The following EYA4 variants were observed in gnomAD, a reference collection of about 807,000 sequenced individuals.
EYA4 encodes the protein protein phosphatase EYA4.
EYA4 carries 31 observed loss-of-function variants against 87.9 expected under a neutral mutation model. The ratio of observed to expected loss-of-function variants is 0.35; its 90% CI spans 0.27 to 0.48. EYA4 has a LOEUF of 0.48. Ranked by LOEUF, EYA4 falls within the 20% of genes least tolerant of loss-of-function variation. The pLI, the probability that EYA4 is intolerant of heterozygous loss-of-function variation, is 0.99. For synonymous variants in EYA4, 263 were observed against 270.6 expected (o/e 0.97, Z 0.28); for missense variants, 678 against 761.4 (o/e 0.89, Z 1.29).
chr6:133,263,262 T>C (rs777830864), intron 1 of EYA4, among the ~76,000 whole-genome samples: 38 of 152,180 alleles, frequency 2.5e-4, no homozygotes, highest in Non-Finnish European at 4.3e-4. Context: ...TTGAAGGCCG[T>C]GAAGATAGCT....
chr6:133,263,996 G>A (rs1776002860), intron 1 of EYA4, among the ~76,000 whole-genome samples: 1 of 152,188 alleles, frequency 6.6e-6, no homozygotes, highest in Admixed American at 6.5e-5. Context: ...AAAGCAGTAG[G>A]GAATGTACTC....
At chr6:133,420,899 C>A (rs547309109) in intron 3 of EYA4, among the ~76,000 whole-genome samples, 1 of 152,316 alleles carries the variant, frequency 6.6e-6, no homozygotes, top group African/African-American at 2.4e-5. Flanking sequence ...TGCAGTAGTT[C>A]AAGGACCTGC....
chr6:133,388,782 T>C, intron 3 of EYA4, among the ~76,000 whole-genome samples: 1 of 152,260 alleles, frequency 6.6e-6, no homozygotes, highest in East Asian at 1.9e-4. Flanking sequence ...TCTTCATTCA[T>C]ACCGTGTTTA....
intron 17 of EYA4, among the ~76,000 whole-genome samples, chr6:133,518,505 T>A (rs563074691): frequency 6.6e-6 from 1 of 152,152 alleles, no homozygotes; most frequent in Non-Finnish European, 1.5e-5. Flanking sequence ...GCCTGGAATG[T>A]CAGAAAAACA....
At chr6:133,382,590 A>G in intron 3 of EYA4, 149 bp downstream of exon 3, 1 of 752,844 alleles carries the variant, frequency 1.3e-6, no homozygotes, top group Non-Finnish European at 2.5e-6. Context: ...CATGCTGGCT[A>G]GCGTACCACT....
Position 133,462,720 on chromosome 6 carries a change from C to T in EYA4, c.680C>T (p.Ser227Phe), listed in dbSNP as rs138215807. ...TGCCTCAGTTACAGCCCAGGGTTCT[C>T]TACCCCACAGCCAGGCCAGACACCT... The part of the protein sequence containing the change: ...SGCLSYSPGF[S>F]TPQPGQTPYS... The change falls in exon 9 of 20, where the codon TCT becomes TTT. Residue 227 changes from serine (S) to phenylalanine (F), a missense_variant. By Grantham distance (155) the Ser-to-Phe change is radical. Transcript: ENST00000355286. The T allele has an allele frequency of 6.2e-7, 1 of 1,613,790 alleles. No homozygotes were observed. Among genetic ancestry groups the T allele is most frequent in the Non-Finnish European group, 8.5e-7 (1 of 1,179,914 alleles).
At chr6:133,366,346 G>A (rs1467252046) in intron 2 of EYA4, among the ~76,000 whole-genome samples, 1 of 152,156 alleles carries the variant, frequency 6.6e-6, no homozygotes, top group Non-Finnish European at 1.5e-5. Flanking sequence ...TTTATGTAGA[G>A]GTATAAGTTA....
At chr6:133,274,585 TG>T in intron 1 of EYA4, 130 bp from the exon 2 acceptor site, 2 of 602,648 alleles carry the variant, frequency 3.3e-6, no homozygotes, top group Non-Finnish European at 5.9e-6. Context: ...ACAATATTAG[TG>T]GATTTTCTTC....
chr6:133,506,751 A>G (rs1798666703), intron 14 of EYA4, among the ~76,000 whole-genome samples: 2 of 152,154 alleles, frequency 1.3e-5, no homozygotes, highest in Non-Finnish European at 2.9e-5. Flanking sequence ...ATGGCAAGAC[A>G]GTGTCTAAAT....
intron 3 of EYA4, among the ~76,000 whole-genome samples, chr6:133,444,599 A>G (rs1292598483): frequency 6.6e-6 from 1 of 152,154 alleles, no homozygotes; most frequent in Non-Finnish European, 1.5e-5. Flanking sequence ...GCCCTAGACT[A>G]TGGTGACCCT....
At chr6:133,485,656 A>G (rs1342468983) in intron 13 of EYA4, among the ~76,000 whole-genome samples, 3 of 152,222 alleles carry the variant, frequency 2.0e-5, no homozygotes, top group South Asian at 2.1e-4. Flanking sequence ...GAGGTACTGC[A>G]TAGGCAGTTG....
intron 1 of EYA4, among the ~76,000 whole-genome samples, chr6:133,269,158 C>T (rs914979994): frequency 2.0e-5 from 3 of 152,122 alleles, no homozygotes; most frequent in African/African-American, 7.2e-5. Context: ...ACTTGGGAGG[C>T]TGAGTCACAA....
intron 2 of EYA4, among the ~76,000 whole-genome samples, chr6:133,349,865 A>T (rs1783501925): frequency 6.6e-6 from 1 of 152,156 alleles, no homozygotes; most frequent in Non-Finnish European, 1.5e-5. Flanking sequence ...AAAATAAAAC[A>T]TCTTCTAGCA....
chr6:133,432,853 A>G (rs1338199754), intron 3 of EYA4, among the ~76,000 whole-genome samples: 1 of 152,134 alleles, frequency 6.6e-6, no homozygotes, highest in African/African-American at 2.4e-5. Flanking sequence ...GTCTTGGCAG[A>G]GAAAGGAAAA....
At chr6:133,411,031 A>G (rs1466989017) in intron 3 of EYA4, among the ~76,000 whole-genome samples, 1 of 146,602 alleles carries the variant, frequency 6.8e-6, no homozygotes, top group Non-Finnish European at 1.5e-5. Context: ...AAGCCTAATC[A>G]GAAGACAGAG....
chr6:133,255,078 C>T (rs1199027837), intron 1 of EYA4, among the ~76,000 whole-genome samples: 3 of 152,250 alleles, frequency 2.0e-5, no homozygotes, highest in Non-Finnish European at 2.9e-5. Flanking sequence ...ACAGTACTCG[C>T]CTCATGGAGT....
chr6:133,359,828 A>G lies in EYA4; in HGVS notation c.34-22564A>G, dbSNP rs542654600. ...TAATCACAGGAGTTAGACAAAGATG[A>G]CAGTACCAGGTTTATTGTTAATAAA... On this transcript the variant is annotated intron_variant, in intron 2 of 19. Transcript: ENST00000355286. Among the ~76,000 whole-genome samples, 3 of 152,342 alleles carry G rather than the reference A, an allele frequency of 2.0e-5. No individual in the cohort carries two copies. The South Asian group carries it at 6.2e-4, about 32-fold the overall frequency.
chr6:133,480,240 G>T (rs987621061), intron 11 of EYA4, among the ~76,000 whole-genome samples: 1 of 152,204 alleles, frequency 6.6e-6, no homozygotes, highest in South Asian at 2.1e-4. Flanking sequence ...CAAGGTATCA[G>T]CTGTCAAATA....
At chr6:133,340,340 T>G (rs531270375) in intron 2 of EYA4, among the ~76,000 whole-genome samples, 3 of 152,330 alleles carry the variant, frequency 2.0e-5, no homozygotes, top group African/African-American at 7.2e-5. Context: ...GAATGGTTCT[T>G]CTGCTGCCTT....
Sources: gnomAD v4.1 joint callset for allele counts (sites outside exome capture counted in the v4.1 genomes callset) on GRCh38, gnomAD v4.1.1 for gene constraint, MANE v1.5 for transcripts, NCBI Gene and HGNC (gene_info 2026-07-23, HGNC 2026-07-21) for gene names.